FRMPD3: variants seen among roughly 807,000 people sequenced by gnomAD.
FRMPD3 encodes FERM and PDZ domain containing 3, also known as FERM and PDZ domain-containing protein 3.
A neutral mutation model predicts 97.9 loss-of-function variants in FRMPD3; 42 were observed. That is an observed-to-expected ratio of 0.43 (90% CI 0.34 to 0.55). The LOEUF is 0.55. Ranked by LOEUF, FRMPD3 falls within the 20% of genes least tolerant of loss-of-function variation. The probability of loss-of-function intolerance (pLI) is 0.03; values close to 1 mark genes in which losing one functional copy is unlikely to be tolerated. For missense variants in FRMPD3, 1,303 were observed against 1,457.7 expected (o/e 0.89, Z 1.73); for synonymous variants, 577 against 581.1 (o/e 0.99, Z 0.10).
chrX:107,555,520 T>A (rs942150647), intron 8 of FRMPD3, among the ~76,000 whole-genome samples: 1 of 112,071 alleles, frequency 8.9e-6, no homozygotes, highest in Non-Finnish European at 1.9e-5. Context: ...CAGTACTCTG[T>A]GTTTTAACAA....
chrX:107,545,975 G>C (rs1004694524), intron 5 of FRMPD3, 134 bp downstream of exon 5: 1 of 478,199 alleles, frequency 2.1e-6, no homozygotes, highest in Non-Finnish European at 3.6e-6. Flanking sequence ...GTGCTGGAGG[G>C]GGAAAAGTAG....
chrX:107,594,806 G>A lies in FRMPD3; in HGVS notation c.1442-2515G>A, dbSNP rs757190610. 4.6e-5 allele frequency among the ~76,000 whole-genome samples: 5 copies of A among 109,388 alleles called. No individual in the cohort carries two copies. In the South Asian group the frequency reaches 1.2e-3, roughly 25 times the overall value. 95.0% of individuals were successfully genotyped at this position (109,388 alleles called of 115,157 possible). A position where few individuals can be genotyped will look rare whatever the true frequency, so the allele number is the denominator to read the frequency against. On this transcript the variant is annotated intron_variant, in intron 13 of 14. Transcript: ENST00000683843. Reference sequence around the variant, plus strand: ...TGAGGCAGGAGAATCGCTTGAACCCGGGAGGTGGAGGTTGCAGTGAGCTGA... The same window carrying A: ...TGAGGCAGGAGAATCGCTTGAACCCAGGAGGTGGAGGTTGCAGTGAGCTGA...
At chrX:107,596,499 G>C (rs1297178093) in intron 13 of FRMPD3, among the ~76,000 whole-genome samples, 1 of 112,226 alleles carries the variant, frequency 8.9e-6, no homozygotes, top group Admixed American at 9.5e-5. Context: ...GGTATTCACA[G>C]ATAAAGCATT....
intron 1 of FRMPD3, among the ~76,000 whole-genome samples, chrX:107,460,414 A>G (rs1931449631): frequency 1.9e-5 from 2 of 107,969 alleles, no homozygotes; most frequent in South Asian, 8.4e-4. Flanking sequence ...TTTTTTTGAC[A>G]GGATCTCGGT....
Position 107,528,355 on chromosome X carries a change from G to A in FRMPD3, c.148+1619G>A, listed in dbSNP as rs148128161. ...AAAGCAGTAGTAGACTGATGTTACC[G>A]GTACCATCAAAGGGCCAAGGCCCAT... On this transcript the variant is annotated intron_variant, in intron 2 of 14. Coordinates refer to ENST00000683843, the MANE Select transcript of FRMPD3 (RefSeq NM_001388459.1). Among the ~76,000 whole-genome samples the A allele has an allele frequency of 3.3e-3, 365 of 111,405 alleles. 11 individuals carry two copies. The East Asian group carries it at 0.053, about 16-fold the overall frequency.
chrX:107,516,569 G>A (rs184716140), intron 1 of FRMPD3, among the ~76,000 whole-genome samples: 1 of 110,984 alleles, frequency 9.0e-6, no homozygotes. Context: ...ATCGCCATTC[G>A]AACTGGTGTG....
rs758643972 is a variant in FRMPD3, at chrX:107,602,914, C to G, written c.4875C>G (p.Ser1625=). The change falls in exon 15 of 15, where the codon TCC becomes TCG. Residue 1625 remains serine, a synonymous_variant. Transcript: ENST00000683843. ...CCAAGCCCTATGTGTCTCAGATCTC[C>G]GAGTATAAGCTTGAGCTAGCTCTCA... ...RAPKPYVSQI[S]EYKLELALKF... is the part of the protein sequence containing the mutation. 6.6e-6 allele frequency: 8 copies of G among 1,211,015 alleles called. No individual in the cohort carries two copies. In the East Asian group the frequency reaches 1.2e-4, roughly 18 times the overall value.
intron 13 of FRMPD3, among the ~76,000 whole-genome samples, chrX:107,586,907 G>C (rs1182163269): frequency 8.9e-6 from 1 of 112,388 alleles, no homozygotes; most frequent in Non-Finnish European, 1.9e-5. Flanking sequence ...ATGTGGCACT[G>C]AGAAGAATAT....
intron 1 of FRMPD3, among the ~76,000 whole-genome samples, chrX:107,507,898 G>T (rs185535330): frequency 4.6e-4 from 51 of 112,027 alleles, no homozygotes; most frequent in African/African-American, 1.6e-3. Context: ...ATAACTATGT[G>T]CCCGACATTG....
chrX:107,531,107 A>G (rs1216118150), intron 3 of FRMPD3, among the ~76,000 whole-genome samples: 1 of 97,392 alleles, frequency 1.0e-5, no homozygotes, highest in Non-Finnish European at 2.0e-5. Context: ...ACCCCTGTGC[A>G]CATTACACAC....
chrX:107,554,709 G>A (rs1922005373), intron 8 of FRMPD3: 1 of 423,765 alleles, frequency 2.4e-6, no homozygotes, highest in South Asian at 4.0e-5. Flanking sequence ...TCAAAGTCCT[G>A]TCTATTTGTC....
chrX:107,581,024 C>A (rs749692742), intron 13 of FRMPD3, among the ~76,000 whole-genome samples: 1 of 111,626 alleles, frequency 9.0e-6, no homozygotes, highest in South Asian at 3.8e-4. Flanking sequence ...ATACTATTAC[C>A]TACCTCATGA....
In FRMPD3 at chrX:107,449,733, C is replaced by G. The variant is rs1198140350; in HGVS notation, c.-280C>G. On this transcript the variant is annotated 5_prime_UTR_variant, in exon 1 of 15. Transcript: ENST00000683843. ...AGCCATGAAGCCCGCCCGAGGAGCCCGCGCGCGCTCCTGCCATCCTGCCCG... is the reference window on the plus strand; with the variant it reads ...AGCCATGAAGCCCGCCCGAGGAGCCGGCGCGCGCTCCTGCCATCCTGCCCG... Among the ~76,000 whole-genome samples the G allele has an allele frequency of 9.1e-6, 1 of 109,539 alleles. No individual in the cohort carries two copies. The highest frequency in any genetic ancestry group is 3.9e-4 in the South Asian group (1 of 2,595).
At chrX:107,498,523 C>T (rs2147527413) in intron 1 of FRMPD3, among the ~76,000 whole-genome samples, 1 of 112,103 alleles carries the variant, frequency 8.9e-6, no homozygotes, top group South Asian at 3.8e-4. Flanking sequence ...GCACTGGAAC[C>T]TCACTCACCC....
intron 1 of FRMPD3, among the ~76,000 whole-genome samples, chrX:107,523,032 C>T (rs1276940818): frequency 1.8e-5 from 2 of 111,369 alleles, no homozygotes; most frequent in African/African-American, 6.5e-5. Flanking sequence ...GCCTGTTTCC[C>T]CCAGGAGGAT....
At chrX:107,465,565 A>G in intron 1 of FRMPD3, among the ~76,000 whole-genome samples, 1 of 112,046 alleles carries the variant, frequency 8.9e-6, no homozygotes, top group Admixed American at 9.5e-5. Context: ...ACACAAAAAA[A>G]GTATTAAAGA....
chrX:107,554,832 T>G, intron 8 of FRMPD3: 1 of 225,123 alleles, frequency 4.4e-6, no homozygotes, highest in Non-Finnish European at 8.2e-6. Flanking sequence ...CAACCCCCAA[T>G]ACCTAGCTCC....
At chrX:107,457,840 C>T (rs1430303703) in intron 1 of FRMPD3, among the ~76,000 whole-genome samples, 2 of 111,924 alleles carry the variant, frequency 1.8e-5, no homozygotes, top group Non-Finnish European at 3.8e-5. Flanking sequence ...TCTTCCTTCC[C>T]CTAGCTCATC....
intron 1 of FRMPD3, among the ~76,000 whole-genome samples, chrX:107,525,228 A>G (rs185784561): frequency 9.9e-4 from 110 of 111,655 alleles, no homozygotes; most frequent in African/African-American, 3.5e-3. Flanking sequence ...GTGGTGCCAG[A>G]TGAGTGAGCT....
Sources: gnomAD v4.1 joint callset for allele counts (sites outside exome capture counted in the v4.1 genomes callset) on GRCh38, gnomAD v4.1.1 for gene constraint, MANE v1.5 for transcripts, NCBI Gene and HGNC (gene_info 2026-07-23, HGNC 2026-07-21) for gene names.